The following CADPS variants were observed in gnomAD, a reference collection of about 807,000 sequenced individuals.
The protein encoded by CADPS is calcium dependent secretion activator, also known as calcium-dependent secretion activator 1.
In CADPS, 57 loss-of-function variants were observed where a neutral mutation model predicts 167.3. The observed-to-expected ratio is 0.34, with a 90% CI of 0.28 to 0.42. The LOEUF (loss-of-function observed/expected upper bound fraction) is 0.42, where lower values mean the gene tolerates loss of function less well. Ranked by LOEUF, CADPS falls within the 20% of genes least tolerant of loss-of-function variation. The pLI, the probability that CADPS is intolerant of heterozygous loss-of-function variation, is 1.00. For missense variants in CADPS, 1,414 were observed against 1,738.1 expected, an observed-to-expected ratio of 0.81 and a Z score of 3.32; for synonymous variants, 676 against 635.3, an observed-to-expected ratio of 1.06 and a Z score of -0.96.
At chr3:62,416,621 CA>C (rs1289639785) in intron 28 of CADPS, among the ~76,000 whole-genome samples, 1 of 152,082 alleles carries the variant, frequency 6.6e-6, no homozygotes, top group Non-Finnish European at 1.5e-5. Context: ...GAACAATGCC[CA>C]ATAAAAAGAA....
intron 10 of CADPS, among the ~76,000 whole-genome samples, chr3:62,551,212 C>T (rs929716909): frequency 6.6e-6 from 1 of 152,310 alleles, no homozygotes; most frequent in African/African-American, 2.4e-5. Flanking sequence ...ACAATGAACT[C>T]CTGGTCTTTC....
chr3:62,866,322 C>T (rs1414445070), intron 1 of CADPS, among the ~76,000 whole-genome samples: 3 of 151,942 alleles, frequency 2.0e-5, no homozygotes, highest in Admixed American at 6.6e-5. Flanking sequence ...ATAAAGGTGA[C>T]TGTATTTTAG....
chr3:62,857,350 T>C (rs1276179296), intron 1 of CADPS, among the ~76,000 whole-genome samples: 1 of 152,040 alleles, frequency 6.6e-6, no homozygotes, highest in Non-Finnish European at 1.5e-5. Context: ...GCTTTGGAAA[T>C]TGGTAACAGC....
At chr3:62,546,430 T>C (rs2152178064) in intron 11 of CADPS, among the ~76,000 whole-genome samples, 1 of 152,258 alleles carries the variant, frequency 6.6e-6, no homozygotes, top group South Asian at 2.1e-4. Context: ...TAAGTATGAA[T>C]CAACACTGTG....
intron 1 of CADPS, among the ~76,000 whole-genome samples, chr3:62,824,413 T>C (rs908741206): frequency 6.6e-6 from 1 of 152,178 alleles, no homozygotes; most frequent in African/African-American, 2.4e-5. Flanking sequence ...GTAAGCTTTA[T>C]CATCAGTTGT....
intron 6 of CADPS, among the ~76,000 whole-genome samples, chr3:62,613,810 A>T (rs1166809979): frequency 6.6e-6 from 1 of 152,176 alleles, no homozygotes; most frequent in African/African-American, 2.4e-5. Flanking sequence ...TAATCAGACC[A>T]ATTAAGAGGC....
At chr3:62,777,200 T>C (rs1024345486) in intron 1 of CADPS, among the ~76,000 whole-genome samples, 1 of 152,232 alleles carries the variant, frequency 6.6e-6, no homozygotes, top group Non-Finnish European at 1.5e-5. Context: ...GTAGCAATTA[T>C]TTCCAGAGAA....
Position 62,465,727 on chromosome 3 carries a change from A to G in CADPS, c.3553-277T>C, listed in dbSNP as rs940472431. Reference sequence around the variant, plus strand: ...ATTATTGAGTTGCATATAGCATGCGATAATATTAAATGCACTTTTTAAAAT... The same window carrying G: ...ATTATTGAGTTGCATATAGCATGCGGTAATATTAAATGCACTTTTTAAAAT... On this transcript the variant is annotated intron_variant, in intron 25 of 29. Transcript: ENST00000383710. The surrounding 1 kb of genome is among the most constrained non-coding windows in gnomAD (Gnocchi z 4.1). 6.6e-6 allele frequency among the ~76,000 whole-genome samples: 1 copy of G among 152,276 alleles called. No homozygotes were observed. The highest frequency in any genetic ancestry group is 1.5e-5 in the Non-Finnish European group (1 of 68,052).
intron 1 of CADPS, among the ~76,000 whole-genome samples, chr3:62,821,555 C>T (rs971639713): frequency 7.2e-5 from 11 of 152,034 alleles, no homozygotes; most frequent in Admixed American, 5.2e-4. Flanking sequence ...GGCTGTCTTC[C>T]CTCTATGTCT....
chr3:62,875,089 G>T lies in CADPS; in HGVS notation c.-60C>A. ...CGGCTTGGAGTGCAAAAGGTGGGGG[G>T]CGCTGGAGGCAGCCGGGGATCAGCT... On this transcript the variant is annotated 5_prime_UTR_variant, in exon 1 of 30. Coordinates refer to ENST00000383710, the MANE Select transcript of CADPS (RefSeq NM_003716.4). 2 of 1,492,368 alleles carry T rather than the reference G, an allele frequency of 1.3e-6. No homozygotes were observed. Among genetic ancestry groups the T allele is most frequent in the South Asian group, 1.2e-5 (1 of 82,618 alleles). The allele number at this position is 1,492,368 out of a possible 1,614,324, so 92.4% of individuals were successfully genotyped here. A position where few individuals can be genotyped will look rare whatever the true frequency, so the allele number is the denominator to read the frequency against.
intron 21 of CADPS, among the ~76,000 whole-genome samples, chr3:62,489,903 A>G (rs2063424765): frequency 6.6e-6 from 1 of 152,208 alleles, no homozygotes; most frequent in Admixed American, 6.5e-5. Context: ...CTCATGAGTG[A>G]AAAGTCAGTA....
rs911371553 is a variant in CADPS, at chr3:62,850,098, G to T, written c.441+24491C>A. Among the ~76,000 whole-genome samples the T allele has an allele frequency of 2.4e-4, 25 of 105,336 alleles. 2 individuals carry two copies. Among genetic ancestry groups the T allele is most frequent in the Non-Finnish European group, 4.6e-4 (22 of 47,564 alleles). The allele number at this position is 105,336 out of a possible 152,430, so 69.1% of individuals were successfully genotyped here. On this transcript the variant is annotated intron_variant, in intron 1 of 29. Transcript: ENST00000383710. ...TTGTAGTATTCTCTGATGGTAGTTT[G>T]TATTTCTGTGGGATCGGTGGTGGTA...
intron 17 of CADPS, among the ~76,000 whole-genome samples, chr3:62,503,781 C>G (rs929826359): frequency 2.0e-5 from 3 of 152,170 alleles, no homozygotes; most frequent in Non-Finnish European, 4.4e-5. Flanking sequence ...ATGTGGTTTA[C>G]AATATCAGCA....
chr3:62,835,102 A>G (rs2075704294), intron 1 of CADPS, among the ~76,000 whole-genome samples: 1 of 152,214 alleles, frequency 6.6e-6, no homozygotes, highest in South Asian at 2.1e-4. Flanking sequence ...TGCAAAATAT[A>G]AATTCACTTT....
At chr3:62,511,680 A>G (rs1163364309) in intron 17 of CADPS, among the ~76,000 whole-genome samples, 1 of 151,962 alleles carries the variant, frequency 6.6e-6, no homozygotes, top group African/African-American at 2.4e-5. Flanking sequence ...AATCCTTACC[A>G]TCTCGTGAAG....
intron 4 of CADPS, among the ~76,000 whole-genome samples, chr3:62,661,723 T>C (rs1268733048): frequency 2.0e-5 from 3 of 152,214 alleles, no homozygotes; most frequent in East Asian, 1.9e-4. Context: ...GGGATACCCA[T>C]TGGGAGGCTA....
At chr3:62,609,935 A>G (rs747912243) in intron 6 of CADPS, among the ~76,000 whole-genome samples, 3 of 151,960 alleles carry the variant, frequency 2.0e-5, no homozygotes, top group Non-Finnish European at 2.9e-5. Flanking sequence ...AAAAAATACT[A>G]AAAATTAGCC....
chr3:62,507,021 A>T (rs1054188974), intron 17 of CADPS, among the ~76,000 whole-genome samples: 1 of 152,212 alleles, frequency 6.6e-6, no homozygotes, highest in Non-Finnish European at 1.5e-5. Flanking sequence ...TTTCCTAGCT[A>T]CATGAACCAA....
intron 1 of CADPS, among the ~76,000 whole-genome samples, chr3:62,857,646 T>C (rs950095425): frequency 6.6e-6 from 1 of 152,044 alleles, no homozygotes; most frequent in Admixed American, 6.6e-5. Context: ...ATTACTTTTA[T>C]ATAAAAGCAT....
Sources: allele counts gnomAD v4.1 joint callset (sites outside exome capture counted in the v4.1 genomes callset), GRCh38; gene constraint gnomAD v4.1.1; non-coding constraint Gnocchi (gnomAD v3.1); transcripts MANE v1.5; gene names NCBI Gene and HGNC (gene_info 2026-07-23, HGNC 2026-07-21).